The following TRAPPC9 variants were observed in gnomAD, a reference collection of about 807,000 sequenced individuals.
TRAPPC9 encodes IKK2 binding protein.
A neutral mutation model predicts 124.0 loss-of-function variants in TRAPPC9; 83 were observed. The ratio of observed to expected loss-of-function variants is 0.67; its 90% confidence interval spans 0.56 to 0.80. The LOEUF (loss-of-function observed/expected upper bound fraction) is 0.80. Among genes scored for constraint, TRAPPC9 ranks in the 30% least tolerant of loss-of-function variants. TRAPPC9 has a pLI of 0.00. For synonymous variants in TRAPPC9, 638 were observed against 617.5 expected, an observed-to-expected ratio of 1.03 and a Z score of -0.49; for missense variants, 1,302 against 1,508.3, an observed-to-expected ratio of 0.86 and a Z score of 2.27.
At position 139,997,965 on chromosome 8, in the gene TRAPPC9, T is replaced by C. The variant is rs113413901; in HGVS notation, c.2700-9129A>G. ...TCCCACACAGGGAGACAATGCATCC[T>C]ACACAGGGGAGACAATGCATCCCAC... On this transcript the variant is annotated intron_variant, in intron 18 of 22. Transcript: ENST00000438773. 7.2e-4 allele frequency among the ~76,000 whole-genome samples: 79 copies of C among 110,120 alleles called. 1 individual carries two copies. Among genetic ancestry groups the C allele is most frequent in the South Asian group, 2.9e-3 (10 of 3,416 alleles). The allele number at this position is 110,120 out of a possible 152,430, so 72.2% of individuals were successfully genotyped here. A position where few individuals can be genotyped will look rare whatever the true frequency, so the allele number is the denominator to read the frequency against.
rs554114632 is a variant in TRAPPC9 at position 140,287,249 on chromosome 8, A to G, written c.1981+359T>C. On this transcript the variant is annotated intron_variant, in intron 13 of 22. Coordinates refer to ENST00000438773, the MANE Select transcript of TRAPPC9 (RefSeq NM_001160372.4). ...GAAAAGGGCTGAGTCCAGGATGTAG[A>G]GGGTTAAAGGCCCTCTGCAAAGGGG... Among the ~76,000 whole-genome samples the G allele has an allele frequency of 1.7e-3, 252 of 152,222 alleles. 5 individuals are homozygous for G. The highest frequency in any genetic ancestry group is 1.9e-3 in the South Asian group (9 of 4,820).
chr8:140,002,363 A>G (rs1201616988), intron 18 of TRAPPC9, among the ~76,000 whole-genome samples: 1 of 152,168 alleles, frequency 6.6e-6, no homozygotes, highest in Non-Finnish European at 1.5e-5. Context: ...CTCAGATTGG[A>G]AGGTGCAATA....
chr8:140,043,455 C>T (rs1587574560), intron 17 of TRAPPC9, among the ~76,000 whole-genome samples: 1 of 152,156 alleles, frequency 6.6e-6, no homozygotes, highest in African/African-American at 2.4e-5. Flanking sequence ...AGTGATAAAC[C>T]TTGTTCTCCA....
chr8:140,363,394 A>G (rs1366112884), intron 8 of TRAPPC9, among the ~76,000 whole-genome samples: 2 of 152,246 alleles, frequency 1.3e-5, no homozygotes, highest in African/African-American at 4.8e-5. Context: ...ATTTACAGGT[A>G]CAGGGTGTTA....
chr8:140,098,545 C>G (rs1376173095), intron 17 of TRAPPC9: 1 of 152,224 alleles, frequency 6.6e-6, no homozygotes, highest in East Asian at 1.9e-4. Context: ...GCACCACCTT[C>G]CACAGTATAA....
chr8:139,971,816 T>TATATATAC (rs5895629), intron 19 of TRAPPC9, among the ~76,000 whole-genome samples: 1 of 145,760 alleles, frequency 6.9e-6, no homozygotes, highest in African/African-American at 2.5e-5. Context: ...TATATATATA[T>TATATATAC]ACACACACAC....
At chr8:139,885,799 AC>A (rs1829969552) in intron 21 of TRAPPC9, 79 bp downstream of exon 21, 5 of 1,391,850 alleles carry the variant, frequency 3.6e-6, no homozygotes, top group Admixed American at 2.0e-5. Context: ...GCCCAGCCAC[AC>A]CCCCCAAGAC....
At chr8:139,979,425 G>A (rs549241749) in intron 19 of TRAPPC9, among the ~76,000 whole-genome samples, 7 of 152,306 alleles carry the variant, frequency 4.6e-5, no homozygotes, top group Admixed American at 1.3e-4. Flanking sequence ...GGGCGGACAC[G>A]AACGGACACG....
chr8:140,269,015 C>T (rs557860291), intron 15 of TRAPPC9, among the ~76,000 whole-genome samples: 66 of 152,146 alleles, frequency 4.3e-4, no homozygotes, highest in Non-Finnish European at 9.0e-4. Flanking sequence ...TGGGAAGGAA[C>T]ATGTGGGAAT....
At chr8:140,445,995 A>G (rs1426805166) in intron 2 of TRAPPC9, among the ~76,000 whole-genome samples, 2 of 152,218 alleles carry the variant, frequency 1.3e-5, no homozygotes, top group Non-Finnish European at 2.9e-5. Context: ...CATTAGCGTC[A>G]ACAAATGCAG....
chr8:139,755,118 C>T (rs561665077), intron 21 of TRAPPC9, among the ~76,000 whole-genome samples: 2 of 152,360 alleles, frequency 1.3e-5, no homozygotes, highest in East Asian at 1.9e-4. Flanking sequence ...CCATGAGCTC[C>T]GAGCCTCGTC....
intron 17 of TRAPPC9, among the ~76,000 whole-genome samples, chr8:140,044,197 T>G (rs1165569145): frequency 2.0e-5 from 3 of 148,594 alleles, no homozygotes; most frequent in African/African-American, 7.5e-5. Flanking sequence ...ACCCCTCAAC[T>G]ACTGGACAAA....
intron 21 of TRAPPC9, among the ~76,000 whole-genome samples, chr8:139,827,637 G>A (rs776622906): frequency 6.6e-6 from 1 of 152,244 alleles, no homozygotes; most frequent in South Asian, 2.1e-4. Context: ...GCACGTGACT[G>A]ATAAGTGAAT....
chr8:140,210,734 G>A (rs747766335), intron 17 of TRAPPC9, among the ~76,000 whole-genome samples: 14 of 152,178 alleles, frequency 9.2e-5, no homozygotes, highest in African/African-American at 3.4e-4. Context: ...CAAGAGCAGC[G>A]CTGGGCACCA....
chr8:140,183,350 G>A (rs1035277019), intron 17 of TRAPPC9, among the ~76,000 whole-genome samples: 4 of 152,300 alleles, frequency 2.6e-5, no homozygotes, highest in South Asian at 2.1e-4. Flanking sequence ...CTGAATACAC[G>A]GTGGAGGAAA....
At chr8:140,159,517 A>G (rs1481124107) in intron 17 of TRAPPC9, among the ~76,000 whole-genome samples, 2 of 152,224 alleles carry the variant, frequency 1.3e-5, no homozygotes, top group East Asian at 3.8e-4. Flanking sequence ...AATACAGCAC[A>G]TTAGGCAAGG....
chr8:139,739,874 C>T (rs1364678127), intron 21 of TRAPPC9, among the ~76,000 whole-genome samples: 2 of 152,270 alleles, frequency 1.3e-5, no homozygotes, highest in Non-Finnish European at 2.9e-5. Flanking sequence ...AAATGGCAGA[C>T]ACAAGTTCCA....
intron 21 of TRAPPC9, among the ~76,000 whole-genome samples, chr8:139,884,858 C>T (rs969764707): frequency 1.3e-5 from 2 of 152,228 alleles, no homozygotes; most frequent in East Asian, 3.8e-4. Context: ...ACGGTGCCCA[C>T]CTGGTCCCGA....
intron 17 of TRAPPC9, among the ~76,000 whole-genome samples, chr8:140,030,147 T>G (rs1327080504): frequency 3.3e-5 from 5 of 152,182 alleles, no homozygotes; most frequent in Non-Finnish European, 7.3e-5. Context: ...CCTCATTCTA[T>G]GAAATGCACT....
Sources: allele counts gnomAD v4.1 joint callset (sites outside exome capture counted in the v4.1 genomes callset), GRCh38; gene constraint gnomAD v4.1.1; transcripts MANE v1.5; gene names NCBI Gene and HGNC (gene_info 2026-07-23, HGNC 2026-07-21).